PLEKHG1: variants seen among roughly 807,000 people sequenced by gnomAD.
PLEKHG1 encodes the protein pleckstrin homology domain-containing family G member 1.
In PLEKHG1, 44 loss-of-function variants were observed where a neutral mutation model predicts 100.8. That is an observed-to-expected ratio of 0.44 (90% CI 0.34 to 0.56). The LOEUF (loss-of-function observed/expected upper bound fraction) is 0.56. PLEKHG1 is among the 20% of genes least tolerant of loss of function. The pLI is 0.01. For missense variants in PLEKHG1, 1,545 were observed against 1,720.9 expected, an observed-to-expected ratio of 0.90 and a Z score of 1.81; for synonymous variants, 640 against 662.5, an observed-to-expected ratio of 0.97 and a Z score of 0.52.
At chr6:150,678,482 G>A (rs1487403324) in intron 3 of PLEKHG1, among the ~76,000 whole-genome samples, 1 of 152,126 alleles carries the variant, frequency 6.6e-6, no homozygotes, top group Non-Finnish European at 1.5e-5. Flanking sequence ...CTAGGAAACA[G>A]GAGTTTTTAT....
chr6:150,805,476 C>G (rs372272427), intron 7 of PLEKHG1, among the ~76,000 whole-genome samples: 3 of 152,066 alleles, frequency 2.0e-5, no homozygotes, highest in South Asian at 2.1e-4. Context: ...CAAGGCTGAA[C>G]CAGCTCCTTT....
At chr6:150,716,112 AAAAAAAAAAAG>A (rs1029613363), upstream of PLEKHG1, among the ~76,000 whole-genome samples, 4 of 151,122 alleles carry the variant, frequency 2.6e-5, no homozygotes, top group African/African-American at 9.7e-5. Context: ...CGTCTCAAAA[AAAAAAAAAAAG>A]AAAAGAAAAT....
intron 2 of PLEKHG1, among the ~76,000 whole-genome samples, chr6:150,764,093 T>C (rs1784325481): frequency 6.6e-6 from 1 of 151,746 alleles, no homozygotes; most frequent in South Asian, 2.1e-4. Context: ...AGCAGCTTTA[T>C]AGCTTCTCTC....
At chr6:150,703,381 G>A (rs539006609) in intron 3 of PLEKHG1, among the ~76,000 whole-genome samples, 17 of 152,154 alleles carry the variant, frequency 1.1e-4, no homozygotes, top group South Asian at 6.2e-4. Flanking sequence ...CAGGCAGATC[G>A]CTTGAGCTCA....
intron 2 of PLEKHG1, among the ~76,000 whole-genome samples, chr6:150,765,493 C>A (rs1286016829): frequency 3.1e-3 from 440 of 140,466 alleles, no homozygotes; most frequent in African/African-American, 6.4e-3. Flanking sequence ...GACTCTGTCT[C>A]AAAGAAAAAA....
chr6:150,829,628 C>CA (rs566670725), intron 14 of PLEKHG1, among the ~76,000 whole-genome samples: 4 of 151,792 alleles, frequency 2.6e-5, no homozygotes, highest in Non-Finnish European at 5.9e-5. Context: ...GATTCTGTGT[C>CA]AAAAAAATAA....
At chr6:150,814,020 C>T (rs1787707778) in intron 10 of PLEKHG1, among the ~76,000 whole-genome samples, 1 of 152,140 alleles carries the variant, frequency 6.6e-6, no homozygotes, top group African/African-American at 2.4e-5. Context: ...GCATTTGAAG[C>T]TTGTTCTCAG....
chr6:150,793,077 G>A (rs879430042), intron 4 of PLEKHG1, among the ~76,000 whole-genome samples: 3 of 152,174 alleles, frequency 2.0e-5, no homozygotes, highest in East Asian at 3.9e-4. Context: ...TTTGCATGAC[G>A]CTGGAGAACC....
intron 10 of PLEKHG1, among the ~76,000 whole-genome samples, chr6:150,816,431 A>G (rs1165406676): frequency 3.7e-5 from 5 of 135,382 alleles, no homozygotes; most frequent in Admixed American, 9.2e-5. Context: ...AGGTTCAAGC[A>G]ATTCTCCTGC....
intron 3 of PLEKHG1, among the ~76,000 whole-genome samples, chr6:150,653,357 C>T (rs1460510702): frequency 6.6e-6 from 1 of 151,878 alleles, no homozygotes; most frequent in Non-Finnish European, 1.5e-5. Flanking sequence ...CCAAGGGCCA[C>T]AAAAGTCATC....
At chr6:150,696,136 C>T (rs922295203) in intron 3 of PLEKHG1, among the ~76,000 whole-genome samples, 7 of 152,264 alleles carry the variant, frequency 4.6e-5, no homozygotes, top group East Asian at 1.9e-4. Context: ...ATCAAAGAGA[C>T]TATTTTAGGA....
intron 2 of PLEKHG1, among the ~76,000 whole-genome samples, chr6:150,645,956 A>C (rs867404470): frequency 6.6e-6 from 1 of 152,228 alleles, no homozygotes; most frequent in South Asian, 2.1e-4. Flanking sequence ...TAGGAATAAA[A>C]CCCAAACTGG....
chr6:150,732,108 C>T lies in PLEKHG1; in HGVS notation c.-98-1476C>T, dbSNP rs1024775189. ...TCCCGAGTAGCTGGGACTACAGGCA[C>T]CCGCCACCACGCCTAGCTAATTTTT... On this transcript the variant is annotated intron_variant, in intron 1 of 15. Coordinates refer to ENST00000358517, the Ensembl canonical transcript of PLEKHG1. Among the ~76,000 whole-genome samples the T allele has an allele frequency of 4.1e-4, 63 of 151,892 alleles. 1 individual carries two copies. Among genetic ancestry groups the T allele is most frequent in the Admixed American group, 4.0e-3 (61 of 15,242 alleles).
chr6:150,819,821 C>A, intron 12 of PLEKHG1, 47 bp downstream of exon 13: 2 of 1,016,804 alleles, frequency 2.0e-6, no homozygotes, highest in Non-Finnish European at 3.2e-6. Flanking sequence ...GGGGGACTGG[C>A]AATGAAAGTC....
At chr6:150,634,465 TCCAGTG>T (rs1234038548) in intron 1 of PLEKHG1, among the ~76,000 whole-genome samples, 1 of 152,126 alleles carries the variant, frequency 6.6e-6, no homozygotes, top group Non-Finnish European at 1.5e-5. Context: ...CAGTATGTTA[TCCAGTG>T]CCACACTGAC....
chr6:150,777,414 C>T (rs1232612507), intron 3 of PLEKHG1, among the ~76,000 whole-genome samples: 5 of 142,992 alleles, frequency 3.5e-5, no homozygotes, highest in African/African-American at 5.3e-5. Flanking sequence ...TTGCACATTA[C>T]TCACACTGAT....
intron 15 of PLEKHG1, among the ~76,000 whole-genome samples, chr6:150,838,952 ATTGG>A (rs1777370357): frequency 1.3e-5 from 2 of 152,252 alleles, no homozygotes; most frequent in South Asian, 4.1e-4. Context: ...CTTAGTAGAC[ATTGG>A]TTCCCCAGAC....
At chr6:150,605,839 G>A (rs1424946129) in intron 1 of PLEKHG1, 1 of 152,170 alleles carries the variant, frequency 6.6e-6, no homozygotes, top group Admixed American at 6.5e-5. Flanking sequence ...CAATAAAATT[G>A]GCACCATCTA....
intron 3 of PLEKHG1, among the ~76,000 whole-genome samples, chr6:150,672,769 A>G (rs1051158847): frequency 1.3e-5 from 2 of 152,226 alleles, no homozygotes; most frequent in Admixed American, 1.3e-4. Context: ...TTTATAGATA[A>G]AAAAGATAAG....
Sources: allele counts gnomAD v4.1 joint callset (sites outside exome capture counted in the v4.1 genomes callset), GRCh38; gene constraint gnomAD v4.1.1; transcripts MANE v1.5; gene names NCBI Gene and HGNC (gene_info 2026-07-23, HGNC 2026-07-21).